FIBCD1: variants seen among roughly 807,000 people sequenced by gnomAD.
FIBCD1 encodes fibrinogen C domain-containing protein 1.
FIBCD1 carries 47 observed loss-of-function variants against 45.1 expected under a neutral mutation model. The observed-to-expected ratio is 1.04, with a 90% CI of 0.82 to 1.33. FIBCD1 has a LOEUF of 1.33. Among genes scored for constraint, FIBCD1 ranks in the 40% most tolerant of loss-of-function variants. The pLI, the probability that FIBCD1 is intolerant of heterozygous loss-of-function variation, is 0.00. For missense variants in FIBCD1, 653 were observed against 682.2 expected (o/e 0.96, Z 0.48); for synonymous variants, 313 against 308.1 (o/e 1.02, Z -0.17).
chr9:130,907,483 G>C (rs544136003), intron 5 of FIBCD1, among the ~76,000 whole-genome samples: 3 of 152,198 alleles, frequency 2.0e-5, no homozygotes, highest in Non-Finnish European at 4.4e-5. Flanking sequence ...AAATCGCCAA[G>C]AGCAAGAAAC....
chr9:130,921,673 T>A (rs939481937), intron 4 of FIBCD1, among the ~76,000 whole-genome samples: 4 of 152,268 alleles, frequency 2.6e-5, no homozygotes, highest in Non-Finnish European at 5.9e-5. Flanking sequence ...TCCGGCGTCC[T>A]GATCTTTCAT....
intron 2 of FIBCD1, among the ~76,000 whole-genome samples, chr9:130,929,227 TG>T (rs1169783823): frequency 6.6e-6 from 1 of 152,108 alleles, no homozygotes; most frequent in Admixed American, 6.5e-5. Flanking sequence ...TTGCTCCTGA[TG>T]GGGGAATGCC....
chr9:130,929,952 T>C lies in FIBCD1; in HGVS notation c.167A>G (p.His56Arg). ...GGGCGCCGTGCCCGGCGCGTGGGCGTGGTTCAGGAAGAGCACGGCACCGGT... is the reference window on the plus strand; with the variant it reads ...GGGCGCCGTGCCCGGCGCGTGGGCGCGGTTCAGGAAGAGCACGGCACCGGT... ...AVTGAVLFLN[H>R]AHAPGTAPPP... The change falls in exon 2 of 7, where the codon CAC (histidine) becomes CGC (arginine). Residue 56 changes from histidine to arginine, a missense_variant. Physicochemically the swap from His to Arg is conservative, Grantham distance 29. Coordinates refer to ENST00000372338, the MANE Select transcript of FIBCD1 (RefSeq NM_032843.5). The C allele has an allele frequency of 6.5e-7, 1 of 1,549,184 alleles. No homozygotes were observed. The highest frequency in any genetic ancestry group is 8.7e-7 in the Non-Finnish European group (1 of 1,146,416).
At chr9:130,933,349 C>T (rs779480863) in intron 1 of FIBCD1, among the ~76,000 whole-genome samples, 1 of 152,044 alleles carries the variant, frequency 6.6e-6, no homozygotes, top group Non-Finnish European at 1.5e-5. Flanking sequence ...TGTGGCTGAG[C>T]TGGGTGCACT....
upstream of FIBCD1, among the ~76,000 whole-genome samples, chr9:130,939,573 C>T (rs901311506): frequency 2.6e-5 from 4 of 152,008 alleles, no homozygotes; most frequent in Non-Finnish European, 4.4e-5. Flanking sequence ...GCCCGGGCGG[C>T]CCGTGGGCGA....
chr9:130,915,014 A>G (rs1002861602), intron 4 of FIBCD1, among the ~76,000 whole-genome samples: 5 of 152,212 alleles, frequency 3.3e-5, no homozygotes, highest in African/African-American at 1.2e-4. Context: ...GCGGGGGCCG[A>G]CTACATCTTG....
rs928365474 is a variant in FIBCD1, at chr9:130,921,831, C to T, written c.849+1913G>A. The stretch of plus-strand genomic sequence containing the variant: ...CAAAAGAGCTTTTATCCCCCAGACG[C>T]AGCTCCAGTACATTTTTAAAAGCTC... On this transcript the variant is annotated intron_variant, in intron 4 of 6. Transcript: ENST00000372338. 2.6e-5 allele frequency among the ~76,000 whole-genome samples: 4 copies of T among 152,254 alleles called. No individual in the cohort carries two copies. In the East Asian group the frequency reaches 5.8e-4, roughly 22 times the overall value.
intron 5 of FIBCD1, among the ~76,000 whole-genome samples, chr9:130,909,760 TAAAAA>T (rs34679672): frequency 6.8e-6 from 1 of 147,168 alleles, no homozygotes; most frequent in Non-Finnish European, 1.5e-5. Flanking sequence ...AGTGAAATGT[TAAAAA>T]AAAAAAAGAA....
At chr9:130,910,727 A>T (rs1384505858) in intron 5 of FIBCD1, among the ~76,000 whole-genome samples, 1 of 152,228 alleles carries the variant, frequency 6.6e-6, no homozygotes, top group Non-Finnish European at 1.5e-5. Flanking sequence ...GAGTGCACCA[A>T]TCAACACTCT....
At chr9:130,911,001 G>T (rs1325486082) in intron 5 of FIBCD1, among the ~76,000 whole-genome samples, 2 of 152,180 alleles carry the variant, frequency 1.3e-5, no homozygotes, top group African/African-American at 2.4e-5. Context: ...ACAGACCACT[G>T]GGCTCTACCA....
At chr9:130,907,545 A>G (rs1449979265) in intron 5 of FIBCD1, among the ~76,000 whole-genome samples, 10 of 152,170 alleles carry the variant, frequency 6.6e-5, no homozygotes, top group Non-Finnish European at 1.5e-4. Flanking sequence ...TAAACTTCAC[A>G]TGTCCACCCC....
At chr9:130,919,174 A>C (rs1832216235) in intron 4 of FIBCD1, among the ~76,000 whole-genome samples, 1 of 152,194 alleles carries the variant, frequency 6.6e-6, no homozygotes, top group African/African-American at 2.4e-5. Context: ...GTTTCTGTTC[A>C]AAGTTTGAAA....
At chr9:130,913,862 G>A (rs183618877) in intron 4 of FIBCD1, among the ~76,000 whole-genome samples, 17 of 152,288 alleles carry the variant, frequency 1.1e-4, no homozygotes, top group Admixed American at 7.8e-4. Context: ...GGCATTGGCC[G>A]TCGGCTGGGC....
At chr9:130,930,189 G>T (rs956578250) in intron 1 of FIBCD1, 143 bp from the exon 2 acceptor site, 1 of 1,067,090 alleles carries the variant, frequency 9.4e-7, no homozygotes, top group Non-Finnish European at 1.3e-6. Flanking sequence ...GATGAGACAG[G>T]CACTGAGAGA....
At chr9:130,910,775 A>C (rs983188113) in intron 5 of FIBCD1, among the ~76,000 whole-genome samples, 17 of 136,288 alleles carry the variant, frequency 1.2e-4, no homozygotes, top group African/African-American at 4.2e-4. Context: ...GAGAACCTTT[A>C]TGTCTAGCTC....
intron 2 of FIBCD1, among the ~76,000 whole-genome samples, chr9:130,928,775 G>A (rs573756494): frequency 1.7e-3 from 264 of 152,282 alleles, no homozygotes; most frequent in African/African-American, 5.9e-3. Flanking sequence ...GCTCCAGCAG[G>A]GGCTGGATTC....
At chr9:130,929,145 G>A (rs1321029402) in intron 2 of FIBCD1, among the ~76,000 whole-genome samples, 1 of 152,144 alleles carries the variant, frequency 6.6e-6, no homozygotes, top group Non-Finnish European at 1.5e-5. Context: ...GAGATGGGGT[G>A]CGGCTCTGAG....
chr9:130,920,909 C>T (rs893714919), intron 4 of FIBCD1, among the ~76,000 whole-genome samples: 3 of 152,250 alleles, frequency 2.0e-5, no homozygotes, highest in Non-Finnish European at 2.9e-5. Context: ...TCCCTGACCC[C>T]GGCTTGCTTT....
chr9:130,909,037 C>A (rs550638868), intron 5 of FIBCD1, among the ~76,000 whole-genome samples: 17 of 152,242 alleles, frequency 1.1e-4, no homozygotes, highest in African/African-American at 4.1e-4. Flanking sequence ...GACCTGCGCT[C>A]TCAGCCTCTC....
Sources: gnomAD v4.1 joint callset for allele counts (sites outside exome capture counted in the v4.1 genomes callset) on GRCh38, gnomAD v4.1.1 for gene constraint, MANE v1.5 for transcripts, NCBI Gene and HGNC (gene_info 2026-07-23, HGNC 2026-07-21) for gene names.